The following EIF2AK3 variants were observed in gnomAD, a reference collection of about 807,000 sequenced individuals.
The protein encoded by EIF2AK3 is eukaryotic translation initiation factor 2-alpha kinase 3.
EIF2AK3 carries 50 observed loss-of-function variants against 113.5 expected under a neutral mutation model. The observed-to-expected ratio is 0.44, with a 90% CI of 0.35 to 0.56. The LOEUF is 0.56. EIF2AK3 is among the 20% of genes least tolerant of loss of function. The pLI is 0.00. For missense variants in EIF2AK3, 1,185 were observed against 1,378.0 expected, an observed-to-expected ratio of 0.86 and a Z score of 2.22; for synonymous variants, 448 against 495.4, an observed-to-expected ratio of 0.90 and a Z score of 1.27.
chr2:88,626,872 C>A, intron 1 of EIF2AK3, 95 bp downstream of exon 1: 2 of 1,511,808 alleles, frequency 1.3e-6, no homozygotes, highest in Non-Finnish European at 1.8e-6. Context: ...AGGGAAGACG[C>A]CCGCCCGGGT....
chr2:88,588,614 A>G, intron 7 of EIF2AK3, 147 bp downstream of exon 7: 1 of 823,224 alleles, frequency 1.2e-6, no homozygotes, highest in Non-Finnish European at 1.8e-6. Context: ...ATTCATTATT[A>G]ACATCTGAAA....
At chr2:88,571,101 A>C (rs1482238915) in intron 13 of EIF2AK3, 60 bp from the exon 14 acceptor site, 36 of 1,567,908 alleles carry the variant, frequency 2.3e-5, no homozygotes, top group Non-Finnish European at 2.6e-5. Flanking sequence ...AAAAGTAAAG[A>C]GAATTATTTA....
At chr2:88,619,280 C>G (rs960897333) in intron 1 of EIF2AK3, among the ~76,000 whole-genome samples, 5 of 152,110 alleles carry the variant, frequency 3.3e-5, no homozygotes, top group Admixed American at 2.0e-4. Flanking sequence ...CGTGAGCCAC[C>G]GTGCCCGGCC....
intron 10 of EIF2AK3, 147 bp downstream of exon 10, chr2:88,583,282 AC>A: frequency 1.6e-6 from 1 of 631,502 alleles, no homozygotes; most frequent in South Asian, 2.0e-5. Context: ...CACTTTTAAT[AC>A]ATTTAAGTTA....
intron 1 of EIF2AK3, among the ~76,000 whole-genome samples, chr2:88,621,959 T>C (rs1018908897): frequency 2.0e-5 from 3 of 148,792 alleles, no homozygotes; most frequent in African/African-American, 7.5e-5. Context: ...TGCAGTGGCA[T>C]GATCTTGGTT....
chr2:88,627,966 A>G (rs1675921242), upstream of EIF2AK3: 1 of 152,382 alleles, frequency 6.6e-6, no homozygotes, highest in Admixed American at 6.5e-5. Context: ...AGGAGCTGGT[A>G]TTGTAGCTCT....
At chr2:88,563,988 A>C (rs1674034998) in intron 14 of EIF2AK3, among the ~76,000 whole-genome samples, 1 of 152,216 alleles carries the variant, frequency 6.6e-6, no homozygotes, top group Admixed American at 6.5e-5. Flanking sequence ...ATAATGTGTT[A>C]CTAAATTTAT....
At chr2:88,613,905 C>T in intron 1 of EIF2AK3, 52 bp from the exon 2 acceptor site, 1 of 1,520,946 alleles carries the variant, frequency 6.6e-7, no homozygotes, top group Non-Finnish European at 9.0e-7. Flanking sequence ...AGATATTGGG[C>T]ACTTATCCCA....
intron 2 of EIF2AK3, among the ~76,000 whole-genome samples, chr2:88,606,495 T>G (rs183933088): frequency 6.6e-6 from 1 of 152,302 alleles, no homozygotes; most frequent in Admixed American, 6.5e-5. Flanking sequence ...GGCAATTATT[T>G]AAATATTGGC....
rs1259745871 is a variant in EIF2AK3, at chr2:88,626,812, C to T, written c.308+155G>A. Among the ~76,000 whole-genome samples the T allele has an allele frequency of 3.3e-5, 5 of 152,346 alleles. 1 individual carries two copies. In the East Asian group the frequency reaches 9.7e-4, roughly 29 times the overall value. On this transcript the variant is annotated intron_variant, in intron 1 of 16. Coordinates refer to ENST00000303236, the MANE Select transcript of EIF2AK3 (RefSeq NM_004836.7). ...GGTCGCTGGCCGGGGGATGGGAGGG[C>T]GTCGTGGCCCCGCGCTCGTCCCCAG...
chr2:88,570,369 C>G (rs1244653688), intron 14 of EIF2AK3, among the ~76,000 whole-genome samples: 2 of 152,202 alleles, frequency 1.3e-5, no homozygotes, highest in African/African-American at 4.8e-5. Context: ...CCCAGCTCTT[C>G]CAGTCCCTGC....
chr2:88,567,416 C>G (rs1260190369), intron 14 of EIF2AK3, among the ~76,000 whole-genome samples: 1 of 152,196 alleles, frequency 6.6e-6, no homozygotes, highest in Non-Finnish European at 1.5e-5. Context: ...ATTTGCCAAA[C>G]TTAGCTACAT....
chr2:88,576,750 G>A, intron 11 of EIF2AK3, 47 bp from the exon 12 acceptor site: 2 of 1,598,398 alleles, frequency 1.3e-6, no homozygotes. Flanking sequence ...CAATTACACT[G>A]ATTTGATCTT....
intron 2 of EIF2AK3, among the ~76,000 whole-genome samples, chr2:88,601,962 C>T (rs1337792468): frequency 6.6e-6 from 1 of 150,956 alleles, no homozygotes; most frequent in African/African-American, 2.4e-5. Flanking sequence ...AGTGATTCTC[C>T]TGCCTCAGCC....
At position 88,561,556 on chromosome 2, in the gene EIF2AK3, C is replaced by T. The variant is rs375520002; in HGVS notation, c.3087+733G>A. On this transcript the variant is annotated intron_variant, in intron 15 of 16. Transcript: ENST00000303236. ...GATTACAGGCGTGAGCCACTGCACCCGGCCCAGAGGGCTACTTTAAAATGA... is the reference window on the plus strand; with the variant it reads ...GATTACAGGCGTGAGCCACTGCACCTGGCCCAGAGGGCTACTTTAAAATGA... Among the ~76,000 whole-genome samples, 4 of 152,292 alleles carry T rather than the reference C, an allele frequency of 2.6e-5. No homozygotes were observed. In the South Asian group the frequency reaches 6.2e-4, roughly 24 times the overall value.
chr2:88,574,336 A>C lies in EIF2AK3; in HGVS notation c.2817+330T>G, dbSNP rs144817479. On this transcript the variant is annotated intron_variant, in intron 13 of 16. Transcript: ENST00000303236. The stretch of plus-strand genomic sequence containing the variant: ...AAACAAAAACAAACAAACAAACAAA[A>C]AAACAGGCTATATCTGCTCATGGTG... Among the ~76,000 whole-genome samples, 15 of 152,262 alleles carry C rather than the reference A, an allele frequency of 9.9e-5. No homozygotes were observed. The East Asian group carries it at 2.5e-3, about 25-fold the overall frequency.
chr2:88,557,555 C>T lies in EIF2AK3; in HGVS notation c.*181G>A. ...CCCTTTCCTTAAGTATAGCAAAACT[C>T]AGGAGTTGGCTCAAATTAGGTTATG... is the stretch of plus-strand genomic sequence containing the variant. On this transcript the variant is annotated 3_prime_UTR_variant, in exon 17 of 17. Coordinates refer to ENST00000303236, the MANE Select transcript of EIF2AK3 (RefSeq NM_004836.7). 6.0e-6 allele frequency: 4 copies of T among 665,634 alleles called. No individual in the cohort carries two copies. The East Asian group carries it at 1.1e-4, about 18-fold the overall frequency. The allele number at this position is 665,634 out of a possible 1,614,324, so 41.2% of individuals were successfully genotyped here.
chr2:88,590,571 T>G lies in EIF2AK3; in HGVS notation c.1037A>C (p.Lys346Thr), dbSNP rs200315616. The part of the protein sequence containing the change: ...CTPIASAWLL[K>T]DGKVIPISLF... ...ACTGATGGGAATGACTTTCCCATCCTTAAGTAACCAGGCAGATGCAATTGG... is the reference window on the plus strand; with the variant it reads ...ACTGATGGGAATGACTTTCCCATCCGTAAGTAACCAGGCAGATGCAATTGG... Residue 346 changes from lysine to threonine, a missense_variant, in exon 6 of 17, where the codon AAG becomes ACG. Physicochemically the swap from Lys to Thr is moderately conservative, Grantham distance 78 (BLOSUM62 -1). Around this residue, in one of 3 missense-constraint regions of EIF2AK3, gnomAD observed 877 missense variants for 1,024.2 expected, o/e 0.86. Transcript: ENST00000303236. 140 of 1,613,262 alleles carry G rather than the reference T, an allele frequency of 8.7e-5. No individual in the cohort carries two copies. The highest frequency in any genetic ancestry group is 1.2e-4 in the Non-Finnish European group (139 of 1,179,950).
chr2:88,583,418 T>C lies in EIF2AK3; in HGVS notation c.1763+12A>G, dbSNP rs760079007. The stretch of plus-strand genomic sequence containing the variant: ...CTTTGATTCAGATGGTTGTATTTTA[T>C]AAGACTCTTACCGTGATATATATCC... On this transcript the variant is annotated intron_variant, in intron 10 of 16. Coordinates refer to ENST00000303236, the MANE Select transcript of EIF2AK3 (RefSeq NM_004836.7). 8 of 1,592,746 alleles carry C rather than the reference T, an allele frequency of 5.0e-6. No homozygotes were observed. The East Asian group carries it at 1.1e-4, about 22-fold the overall frequency.
Sources: allele counts gnomAD v4.1 joint callset (sites outside exome capture counted in the v4.1 genomes callset), GRCh38; gene constraint gnomAD v4.1.1; regional missense constraint gnomAD v4.1.1; transcripts MANE v1.5; gene names NCBI Gene and HGNC (gene_info 2026-07-23, HGNC 2026-07-21).